SLC38A6: variants seen among roughly 807,000 people sequenced by gnomAD.
The protein encoded by SLC38A6 is N system amino acid transporter NAT-1.
SLC38A6 carries 73 observed loss-of-function variants against 65.0 expected under a neutral mutation model. The ratio of observed to expected loss-of-function variants is 1.12; its 90% CI spans 0.93 to 1.37. SLC38A6 has a LOEUF of 1.37. SLC38A6 is among the 40% of genes most tolerant of loss of function. The probability of loss-of-function intolerance (pLI) is 0.00; values close to 1 mark genes in which losing one functional copy is unlikely to be tolerated. For missense variants in SLC38A6, 561 were observed against 531.1 expected (o/e 1.06, Z -0.55); for synonymous variants, 183 against 178.8 (o/e 1.02, Z -0.19).
At position 61,041,899 on chromosome 14, in the gene SLC38A6, T is replaced by TA. The variant is rs11423673; in HGVS notation, c.625-1240dup. ...TGGGTGACAGAGTGAGACCCTGTCT[T>TA]AAAAAAAACAAGAAAAGAAACTGAA... On this transcript the variant is annotated intron_variant, in intron 8 of 15. Transcript: ENST00000267488. 8.5e-3 allele frequency among the ~76,000 whole-genome samples: 1,292 copies of TA among 151,524 alleles called. 21 individuals are homozygous for TA. Among genetic ancestry groups the TA allele is most frequent in the African/African-American group, 0.029 (1,212 of 41,354 alleles).
chr14:61,016,618 C>T (rs747496978), intron 4 of SLC38A6, among the ~76,000 whole-genome samples: 8 of 152,140 alleles, frequency 5.3e-5, no homozygotes, highest in Admixed American at 3.3e-4. Context: ...AAATAATTGT[C>T]TTCCACCAGT....
intron 3 of SLC38A6, among the ~76,000 whole-genome samples, chr14:60,997,107 G>A (rs969984390): frequency 1.3e-5 from 2 of 152,138 alleles, no homozygotes; most frequent in African/African-American, 4.8e-5. Flanking sequence ...CTACAGATTG[G>A]AGTTGTGAGG....
chr14:60,981,251 G>A lies in SLC38A6; in HGVS notation c.-27G>A, dbSNP rs1208719106. ...AGGGCAGGGGTAGAGGCTCGTAGAT[G>A]GAACTGGTAGTCAGCTGGAGAGCAG... On this transcript the variant is annotated 5_prime_UTR_variant, in exon 1 of 16. The change abolishes an upstream ATG in the 5' untranslated region. Transcript: ENST00000267488. 19 of 1,577,120 alleles carry A rather than the reference G, an allele frequency of 1.2e-5. No individual in the cohort carries two copies. Among genetic ancestry groups the A allele is most frequent in the East Asian group, 2.3e-5 (1 of 42,956 alleles).
At chr14:61,001,522 T>G (rs771925642) in intron 3 of SLC38A6, among the ~76,000 whole-genome samples, 1 of 152,276 alleles carries the variant, frequency 6.6e-6, no homozygotes, top group Non-Finnish European at 1.5e-5. Context: ...GTTACATGTA[T>G]GTGTGCATGT....
intron 15 of SLC38A6, among the ~76,000 whole-genome samples, chr14:61,063,644 T>C (rs1423428283): frequency 6.6e-6 from 1 of 152,192 alleles, no homozygotes; most frequent in Non-Finnish European, 1.5e-5. Flanking sequence ...AGGTGCACCT[T>C]TGCTTCTCAC....
intron 15 of SLC38A6, among the ~76,000 whole-genome samples, chr14:61,066,548 A>T (rs925574486): frequency 6.6e-6 from 1 of 152,126 alleles, no homozygotes; most frequent in African/African-American, 2.4e-5. Context: ...GGATGAAAAG[A>T]CATTGTAATA....
In SLC38A6 at chr14:61,050,519, G is replaced by T; in HGVS notation, c.933G>T (p.Val311=). The T allele has an allele frequency of 6.6e-7, 1 of 1,514,068 alleles. No homozygotes were observed. Among genetic ancestry groups the T allele is most frequent in the South Asian group, 1.3e-5 (1 of 79,720 alleles). 93.8% of individuals were successfully genotyped at this position (1,514,068 alleles called of 1,614,324 possible). The change falls in exon 13 of 16, where the codon GTG becomes GTT. Residue 311 remains valine (V), a synonymous_variant. Transcript: ENST00000267488. ...TTATTATTTTATTTACAGACAAAGT[G>T]GAGTCAGAATTACTAAAAGGTTATA... ...LFGYLTFYDK[V]ESELLKGYSK...
At chr14:61,001,791 C>T (rs1016160304) in intron 3 of SLC38A6, among the ~76,000 whole-genome samples, 7 of 152,070 alleles carry the variant, frequency 4.6e-5, no homozygotes, top group Non-Finnish European at 7.4e-5. Context: ...AGTTTATATT[C>T]GATTGTCCTT....
chr14:61,066,721 T>C (rs2043029920), intron 15 of SLC38A6, among the ~76,000 whole-genome samples: 1 of 152,186 alleles, frequency 6.6e-6, no homozygotes, highest in Non-Finnish European at 1.5e-5. Flanking sequence ...CAACCCTGTG[T>C]AAACATGCGC....
At chr14:61,001,798 C>G (rs1023338451) in intron 3 of SLC38A6, among the ~76,000 whole-genome samples, 1 of 152,094 alleles carries the variant, frequency 6.6e-6, no homozygotes, top group African/African-American at 2.4e-5. Context: ...ATTCGATTGT[C>G]CTTTCATTGA....
intron 15 of SLC38A6, among the ~76,000 whole-genome samples, chr14:61,061,295 A>C (rs1368230117): frequency 6.6e-6 from 1 of 152,244 alleles, no homozygotes. Flanking sequence ...GTACTTGATC[A>C]TGGTGGATTA....
chr14:61,078,774 TTTTA>T (rs760287795), intron 15 of SLC38A6: 220 of 182,552 alleles, frequency 1.2e-3, no homozygotes, highest in South Asian at 2.2e-3. Flanking sequence ...TTATTTTTTA[TTTTA>T]TTTATTTATT....
intron 2 of SLC38A6, among the ~76,000 whole-genome samples, chr14:60,984,456 A>G (rs559292530): frequency 6.6e-6 from 1 of 151,508 alleles, no homozygotes; most frequent in Admixed American, 6.6e-5. Flanking sequence ...GTCAGCAGAC[A>G]AGACTGCAAA....
At chr14:60,981,976 G>A (rs904299385) in intron 1 of SLC38A6, among the ~76,000 whole-genome samples, 2 of 152,132 alleles carry the variant, frequency 1.3e-5, no homozygotes, top group African/African-American at 4.8e-5. Context: ...TGTTTTCAGG[G>A]ATACTGCCAG....
chr14:61,045,366 C>A lies in SLC38A6; in HGVS notation c.765C>A (p.Thr255=). 1 of 1,613,484 alleles carries A rather than the reference C, an allele frequency of 6.2e-7. No homozygotes were observed. The highest frequency in any genetic ancestry group is 2.2e-5 in the East Asian group (1 of 44,812). Residue 255 remains threonine, a synonymous_variant, in exon 11 of 16, where the codon ACC becomes ACA. Coordinates refer to ENST00000267488, the MANE Select transcript of SLC38A6 (RefSeq NM_153811.3). ...FSKESAYALP[T]MAFSFLCHTS... is the part of the protein sequence containing the mutation. ...TTCAGAGTGCTTATGCCTTACCAAC[C>A]ATGGCTTTTTCATTTCTCTGCCATA...
chr14:61,019,467 T>C, intron 4 of SLC38A6, 74 bp from the exon 5 acceptor site: 2 of 1,503,090 alleles, frequency 1.3e-6, no homozygotes, highest in East Asian at 2.3e-5. Flanking sequence ...TAATAGTTAC[T>C]GGATTTTAAT....
intron 3 of SLC38A6, among the ~76,000 whole-genome samples, chr14:61,000,868 A>T (rs1057443091): frequency 6.6e-6 from 1 of 152,182 alleles, no homozygotes; most frequent in Non-Finnish European, 1.5e-5. Context: ...ATTAAAACTG[A>T]CTGAAAGGCA....
chr14:61,025,634 T>G (rs2040567914), intron 5 of SLC38A6, among the ~76,000 whole-genome samples: 2 of 152,196 alleles, frequency 1.3e-5, no homozygotes, highest in Admixed American at 1.3e-4. Context: ...TTATAAAATT[T>G]TCAGAACAGT....
chr14:61,005,778 A>G (rs986122580), intron 3 of SLC38A6, among the ~76,000 whole-genome samples: 55 of 151,990 alleles, frequency 3.6e-4, no homozygotes, highest in African/African-American at 9.7e-5. Context: ...TATAGATTCA[A>G]TGCCATCCCC....
Sources: allele counts gnomAD v4.1 joint callset (sites outside exome capture counted in the v4.1 genomes callset), GRCh38; gene constraint gnomAD v4.1.1; transcripts MANE v1.5; gene names NCBI Gene and HGNC (gene_info 2026-07-23, HGNC 2026-07-21).